VPS53: variants seen among roughly 807,000 people sequenced by gnomAD.
VPS53 encodes the protein VPS53 subunit of GARP complex.
A neutral mutation model predicts 107.0 loss-of-function variants in VPS53; 70 were observed. That is an observed-to-expected ratio of 0.65 (90% confidence interval 0.54 to 0.80). The LOEUF (loss-of-function observed/expected upper bound fraction) is 0.80. VPS53 is among the 30% of genes least tolerant of loss of function. VPS53 has a pLI of 0.00. For synonymous variants in VPS53, 409 were observed against 393.3 expected (o/e 1.04, Z -0.47); for missense variants, 917 against 1,049.4 (o/e 0.87, Z 1.74).
At chr17:658,295 GGATA>G (rs1017961108) in intron 5 of VPS53, among the ~76,000 whole-genome samples, 3 of 133,284 alleles carry the variant, frequency 2.3e-5, no homozygotes, top group African/African-American at 7.8e-5. Context: ...GTGAGTTCGT[GGATA>G]GATACATCCC....
chr17:547,395 A>G (rs1380467265), intron 17 of VPS53, among the ~76,000 whole-genome samples: 1 of 152,214 alleles, frequency 6.6e-6, no homozygotes. Context: ...CCCTGAAAAC[A>G]CTACGCTAAG....
intron 4 of VPS53, among the ~76,000 whole-genome samples, chr17:688,370 TG>T (rs1277786543): frequency 4.6e-5 from 7 of 152,194 alleles, no homozygotes; most frequent in Admixed American, 4.6e-4. Context: ...CCACCATGAT[TG>T]TAAGTTTCCT....
At chr17:639,875 C>T (rs936054695) in intron 7 of VPS53, among the ~76,000 whole-genome samples, 9 of 152,206 alleles carry the variant, frequency 5.9e-5, no homozygotes, top group Non-Finnish European at 1.0e-4. Flanking sequence ...GCAGTCTGTC[C>T]ATTCTTAGAT....
At chr17:581,671 C>T (rs1457539487) in intron 13 of VPS53, among the ~76,000 whole-genome samples, 1 of 151,924 alleles carries the variant, frequency 6.6e-6, no homozygotes, top group African/African-American at 2.4e-5. Context: ...CCCTCAGAAC[C>T]TAATGCATCC....
chr17:705,895 C>A (rs1973381421), intron 2 of VPS53: 1 of 152,018 alleles, frequency 6.6e-6, no homozygotes, highest in Admixed American at 6.6e-5. Flanking sequence ...GAGAGTGAGA[C>A]CCCATCTCAA....
Position 608,618 on chromosome 17 carries a change from TTTTC to T in VPS53, c.1117-6726_1117-6723del, listed in dbSNP as rs1259533411. On this transcript the variant is annotated intron_variant, in intron 11 of 21. Coordinates refer to ENST00000437048, the MANE Select transcript of VPS53 (RefSeq NM_001128159.3). The stretch of plus-strand genomic sequence containing the variant: ...ATTTCTGCTTTTTTCTTTTCTTTTC[TTTTC>T]TTTTTTTTTTTGAAACAGAGCCTCA... Among the ~76,000 whole-genome samples, 119 of 143,170 alleles carry T rather than the reference TTTTC, an allele frequency of 8.3e-4. 1 individual carries two copies. Among genetic ancestry groups the T allele is most frequent in the Middle Eastern group, 3.6e-3 (1 of 278 alleles). 93.9% of individuals were successfully genotyped at this position (143,170 alleles called of 152,430 possible). A position where few individuals can be genotyped will look rare whatever the true frequency, so the allele number is the denominator to read the frequency against.
chr17:632,444 G>A (rs1970002590), intron 7 of VPS53, among the ~76,000 whole-genome samples: 2 of 152,074 alleles, frequency 1.3e-5, no homozygotes, highest in South Asian at 4.2e-4. Flanking sequence ...ACAGGCATAC[G>A]ATGTATAATG....
chr17:533,140 C>T, intron 18 of VPS53: 3 of 626,056 alleles, frequency 4.8e-6, no homozygotes, highest in Non-Finnish European at 8.1e-6. Flanking sequence ...CCTAGACTCC[C>T]AGTGAACTCT....
intron 11 of VPS53, among the ~76,000 whole-genome samples, chr17:611,993 A>G (rs1968901747): frequency 6.6e-6 from 1 of 151,956 alleles, no homozygotes; most frequent in South Asian, 2.1e-4. Context: ...TATTCACAGC[A>G]GTATTCAAAT....
chr17:631,728 C>G (rs971765767), intron 7 of VPS53, 100 bp from the exon 8 acceptor site: 3 of 1,076,936 alleles, frequency 2.8e-6, no homozygotes, highest in Non-Finnish European at 4.1e-6. Flanking sequence ...TCGAGAAAGG[C>G]CAGGAAGGGT....
intron 5 of VPS53, among the ~76,000 whole-genome samples, chr17:659,528 T>G (rs139726954): frequency 2.6e-5 from 4 of 151,948 alleles, no homozygotes; most frequent in East Asian, 1.9e-4. Context: ...TGATCCCCCC[T>G]CCTTGGCCTC....
At chr17:546,598 T>G (rs958247899) in intron 17 of VPS53, among the ~76,000 whole-genome samples, 1 of 152,162 alleles carries the variant, frequency 6.6e-6, no homozygotes, top group Non-Finnish European at 1.5e-5. Flanking sequence ...AAATCGCCAG[T>G]AGCATCTGAG....
chr17:549,256 C>A (rs1347976357), intron 17 of VPS53, among the ~76,000 whole-genome samples: 2 of 152,294 alleles, frequency 1.3e-5, no homozygotes, highest in East Asian at 3.9e-4. Flanking sequence ...AGGATGCAGG[C>A]ATCAAGAACA....
rs538633864 is a variant in VPS53, at chr17:571,375, G to T, written c.1314-8630C>A. Among the ~76,000 whole-genome samples, 144 of 152,278 alleles carry T rather than the reference G, an allele frequency of 9.5e-4. 2 individuals are homozygous for T. Among genetic ancestry groups the T allele is most frequent in the African/African-American group, 3.4e-3 (141 of 41,550 alleles). On this transcript the variant is annotated intron_variant, in intron 13 of 21. Transcript: ENST00000437048. ...GTGTGTGGGGGAGATAACTATTAAT[G>T]AGGAATCTGGATGAAGGCTATACAA...
chr17:636,186 T>C (rs1970191852), intron 7 of VPS53, among the ~76,000 whole-genome samples: 1 of 152,242 alleles, frequency 6.6e-6, no homozygotes, highest in South Asian at 2.1e-4. Context: ...CAATTGTGAA[T>C]GGGAGTTCCC....
intron 7 of VPS53, among the ~76,000 whole-genome samples, chr17:649,726 G>A (rs896462543): frequency 1.3e-5 from 2 of 151,968 alleles, no homozygotes; most frequent in African/African-American, 4.8e-5. Context: ...ATCTTACACT[G>A]GAGGACAGAG....
At chr17:579,759 A>C (rs1053186980) in intron 13 of VPS53, among the ~76,000 whole-genome samples, 1 of 127,754 alleles carries the variant, frequency 7.8e-6, no homozygotes, top group African/African-American at 2.6e-5. Context: ...ATTCCTTCCC[A>C]GAGAACCTCC....
At chr17:631,700 C>A in intron 7 of VPS53, 72 bp from the exon 8 acceptor site, 2 of 1,448,546 alleles carry the variant, frequency 1.4e-6, no homozygotes, top group South Asian at 2.3e-5. Flanking sequence ...TCCACAGGGT[C>A]GGAAGGGCTG....
At chr17:694,400 G>A (rs974695021) in intron 4 of VPS53, among the ~76,000 whole-genome samples, 3 of 152,272 alleles carry the variant, frequency 2.0e-5, no homozygotes, top group South Asian at 2.1e-4. Context: ...AGAACCACAG[G>A]TTGAAACGTA....
Sources: gnomAD v4.1 joint callset for allele counts (sites outside exome capture counted in the v4.1 genomes callset) on GRCh38, gnomAD v4.1.1 for gene constraint, MANE v1.5 for transcripts, NCBI Gene and HGNC (gene_info 2026-07-23, HGNC 2026-07-21) for gene names.